Variants in FSHB observed in about 807,000 individuals in gnomAD.
FSHB encodes the protein follitropin subunit beta.
A neutral mutation model predicts 12.1 loss-of-function variants in FSHB; 8 were observed. That is an observed-to-expected ratio of 0.66 (90% CI 0.39 to 1.19). The LOEUF (loss-of-function observed/expected upper bound fraction) is 1.19, where lower values mean the gene tolerates loss of function less well. Among genes scored for constraint, FSHB ranks in the 50% most tolerant of loss-of-function variants. The pLI is 0.01. For missense variants in FSHB, 153 were observed against 157.2 expected, an observed-to-expected ratio of 0.97 and a Z score of 0.14; for synonymous variants, 55 against 54.6, an observed-to-expected ratio of 1.01 and a Z score of -0.04.
intron 2 of FSHB, among the ~76,000 whole-genome samples, chr11:30,232,610 A>G (rs1257386893): frequency 6.6e-6 from 1 of 151,672 alleles, no homozygotes; most frequent in East Asian, 1.9e-4. Flanking sequence ...CAGCAAACCC[A>G]CTCCCTTCGT....
In FSHB at chr11:30,235,177, A is replaced by G. The variant is rs1852066046; in HGVS notation, c.*1377A>G. The stretch of plus-strand genomic sequence containing the variant: ...ACCTTTCCTTATCTTTGGAGATATT[A>G]AAAATAATTTTGTTGGATTTCTGAA... On this transcript the variant is annotated 3_prime_UTR_variant, in exon 3 of 3. Transcript: ENST00000533718. 6.6e-6 allele frequency: 1 copy of G among 152,140 alleles called. No individual in the cohort carries two copies. The highest frequency in any genetic ancestry group is 6.6e-5 in the Admixed American group (1 of 15,252). 9.4% of individuals were successfully genotyped at this position (152,140 alleles called of 1,614,324 possible). A position where few individuals can be genotyped will look rare whatever the true frequency, so the allele number is the denominator to read the frequency against.
intron 1 of FSHB, 103 bp from the exon 2 acceptor site, chr11:30,231,763 G>A: frequency 1.1e-6 from 1 of 876,848 alleles, no homozygotes; most frequent in South Asian, 1.5e-5. Flanking sequence ...CATAAGGAAG[G>A]AAAAAAAACT....
intron 2 of FSHB, 70 bp downstream of exon 2, chr11:30,232,131 C>T (rs1590622417): frequency 6.7e-7 from 1 of 1,487,380 alleles, no homozygotes; most frequent in Non-Finnish European, 9.3e-7. Flanking sequence ...TTAGTTTCTA[C>T]TTTATCAATA....
In FSHB at chr11:30,233,570, G is replaced by T; in HGVS notation, c.160G>T (p.Asp54Tyr). 1.9e-6 allele frequency: 3 copies of T among 1,611,380 alleles called. No homozygotes were observed. In the South Asian group the frequency reaches 3.3e-5, roughly 18 times the overall value. Residue 54 changes from aspartate (D) to tyrosine (Y), a missense_variant and splice_region_variant, in exon 3 of 3, where the codon GAT becomes TAT. Physicochemically the swap from Asp to Tyr is radical, Grantham distance 160. Coordinates refer to ENST00000533718, the MANE Select transcript of FSHB (RefSeq NM_001382289.1). ...CTAACTCTCTTCTTAAACTCCTCAGGATCTGGTGTATAAGGACCCAGCCAG... is the reference window on the plus strand; with the variant it reads ...CTAACTCTCTTCTTAAACTCCTCAGTATCTGGTGTATAAGGACCCAGCCAG... Reference protein sequence around the residue: ...TWCAGYCYTRDLVYKDPARPK... With the variant: ...TWCAGYCYTRYLVYKDPARPK...
At chr11:30,233,157 G>T (rs1400693000) in intron 2 of FSHB, among the ~76,000 whole-genome samples, 1 of 151,972 alleles carries the variant, frequency 6.6e-6, no homozygotes, top group South Asian at 2.1e-4. Context: ...ATATATTTTT[G>T]ACCTTTTATA....
chr11:30,233,466 G>A, intron 2 of FSHB, 104 bp from the exon 3 acceptor site: 1 of 858,686 alleles, frequency 1.2e-6, no homozygotes, highest in Non-Finnish European at 2.0e-6. Context: ...TGTTTTAATG[G>A]GTAAATGTTA....
Position 30,233,619 on chromosome 11 carries a change from C to A in FSHB, c.209C>A (p.Thr70Asn). 2 of 1,614,022 alleles carry A rather than the reference C, an allele frequency of 1.2e-6. No individual in the cohort carries two copies. The highest frequency in any genetic ancestry group is 1.7e-6 in the Non-Finnish European group (2 of 1,179,950). The change falls in exon 3 of 3, where the codon ACC becomes AAC. Residue 70 changes from threonine (T) to asparagine (N), a missense_variant. Transcript: ENST00000533718. ...AGGCCCAAAATCCAGAAAACATGTACCTTCAAGGAACTGGTATACGAAACA... is the reference window on the plus strand; with the variant it reads ...AGGCCCAAAATCCAGAAAACATGTAACTTCAAGGAACTGGTATACGAAACA... ...PARPKIQKTC[T>N]FKELVYETVR...
In FSHB at chr11:30,235,010, A is replaced by AT. The variant is rs1474870663; in HGVS notation, c.*1217dup. On this transcript the variant is annotated 3_prime_UTR_variant, in exon 3 of 3. Coordinates refer to ENST00000533718, the MANE Select transcript of FSHB (RefSeq NM_001382289.1). ...TGTTTAACTAATTTATTTAAATCTTATTTTTTTAATAAAGATGCTAGCCAC... is the reference window on the plus strand; with the variant it reads ...TGTTTAACTAATTTATTTAAATCTTATTTTTTTTAATAAAGATGCTAGCCAC... The AT allele has an allele frequency of 6.6e-6, 1 of 152,070 alleles. No individual in the cohort carries two copies. Among genetic ancestry groups the AT allele is most frequent in the Non-Finnish European group, 1.5e-5 (1 of 67,996 alleles). 9.4% of individuals were successfully genotyped at this position (152,070 alleles called of 1,614,324 possible).
chr11:30,234,234 C>G lies in FSHB; in HGVS notation c.*434C>G, dbSNP rs1440344981. 1 of 234,230 alleles carries G rather than the reference C, an allele frequency of 4.3e-6. No individual in the cohort carries two copies. Among genetic ancestry groups the G allele is most frequent in the Admixed American group, 5.1e-5 (1 of 19,520 alleles). 14.5% of individuals were successfully genotyped at this position (234,230 alleles called of 1,614,324 possible). On this transcript the variant is annotated 3_prime_UTR_variant, in exon 3 of 3. Coordinates refer to ENST00000533718, the MANE Select transcript of FSHB (RefSeq NM_001382289.1). ...GTCAGCATCTTCAGCATTGTAGCGT[C>G]AATGCCTAGCACTCTGCCTGGAACT... is the stretch of plus-strand genomic sequence containing the variant.
rs1211300587 is a variant in FSHB, at chr11:30,234,779, C to T, written c.*979C>T. On this transcript the variant is annotated 3_prime_UTR_variant, in exon 3 of 3. Coordinates refer to ENST00000533718, the MANE Select transcript of FSHB (RefSeq NM_001382289.1). ...CAAATATATTTGTATAAATAAATAG[C>T]TCCTTTAGAAAGAATTAGCCATGGG... 1 of 152,142 alleles carries T rather than the reference C, an allele frequency of 6.6e-6. No individual in the cohort carries two copies. Among genetic ancestry groups the T allele is most frequent in the African/African-American group, 2.4e-5 (1 of 41,420 alleles). 9.4% of individuals were successfully genotyped at this position (152,142 alleles called of 1,614,324 possible).
At chr11:30,232,546 A>G (rs1338332798) in intron 2 of FSHB, among the ~76,000 whole-genome samples, 1 of 152,214 alleles carries the variant, frequency 6.6e-6, no homozygotes, top group East Asian at 1.9e-4. Context: ...CAAATGCCAA[A>G]AAACAGCCTG....
chr11:30,232,727 T>C (rs572825736), intron 2 of FSHB, among the ~76,000 whole-genome samples: 4 of 152,328 alleles, frequency 2.6e-5, no homozygotes, highest in African/African-American at 9.6e-5. Context: ...TGCTTTCTTT[T>C]TTCTCTGCAG....
In FSHB at chr11:30,234,812, G is replaced by T. The variant is rs574192474; in HGVS notation, c.*1012G>T. 1 of 152,236 alleles carries T rather than the reference G, an allele frequency of 6.6e-6. No homozygotes were observed. The highest frequency in any genetic ancestry group is 6.5e-5 in the Admixed American group (1 of 15,278). The allele number at this position is 152,236 out of a possible 1,614,324, so 9.4% of individuals were successfully genotyped here. ...GAAAGAATTAGCCATGGGGGACGAG[G>T]GGAAACTGCTGTTTTCTAGGATCCT... On this transcript the variant is annotated 3_prime_UTR_variant, in exon 3 of 3. Transcript: ENST00000533718.
At chr11:30,233,426 T>G in intron 2 of FSHB, 144 bp from the exon 3 acceptor site, 3 of 686,534 alleles carry the variant, frequency 4.4e-6, no homozygotes, top group Non-Finnish European at 7.9e-6. Context: ...TTTAGAAATG[T>G]AAATAGCATA....
intron 2 of FSHB, 133 bp downstream of exon 2, chr11:30,232,194 T>G (rs1031782091): frequency 1.1e-6 from 1 of 918,068 alleles, no homozygotes; most frequent in African/African-American, 1.6e-5. Context: ...ACTGTCTGTG[T>G]TGTGATTGGG....
Position 30,233,810 on chromosome 11 carries a change from G to C in FSHB, c.*10G>C. The C allele has an allele frequency of 3.7e-6, 6 of 1,606,446 alleles. No individual in the cohort carries two copies. The highest frequency in any genetic ancestry group is 5.1e-6 in the Non-Finnish European group (6 of 1,173,524). ...TGAAATGAAAGAATAAAGATCAGTGGACATTTCAGGCCACATACCCTTGTC... is the reference window on the plus strand; with the variant it reads ...TGAAATGAAAGAATAAAGATCAGTGCACATTTCAGGCCACATACCCTTGTC... On this transcript the variant is annotated 3_prime_UTR_variant, in exon 3 of 3. Transcript: ENST00000533718.
At chr11:30,233,511 C>A in intron 2 of FSHB, 59 bp from the exon 3 acceptor site, 1 of 1,365,370 alleles carries the variant, frequency 7.3e-7, no homozygotes, top group Non-Finnish European at 1.0e-6. Context: ...CTCATTTTGA[C>A]TAAGCTAAAT....
rs1490543920 is a variant in FSHB, at chr11:30,233,633, G to C, written c.223G>C (p.Val75Leu). Residue 75 changes from valine (V) to leucine (L), a missense_variant, in exon 3 of 3, where the codon GTA (valine) becomes CTA (leucine). Transcript: ENST00000533718. ...GAAAACATGTACCTTCAAGGAACTG[G>C]TATACGAAACAGTGAGAGTGCCCGG... ...IQKTCTFKEL[V>L]YETVRVPGCA... 5.6e-6 allele frequency: 9 copies of C among 1,614,022 alleles called. No individual in the cohort carries two copies. Among genetic ancestry groups the C allele is most frequent in the Non-Finnish European group, 7.6e-6 (9 of 1,179,940 alleles).
At chr11:30,232,787 A>T (rs1196497083) in intron 2 of FSHB, among the ~76,000 whole-genome samples, 2 of 152,220 alleles carry the variant, frequency 1.3e-5, no homozygotes, top group Admixed American at 1.3e-4. Flanking sequence ...AAAATTGAAA[A>T]TGGCAACTTT....
Sources: gnomAD v4.1 joint callset for allele counts (sites outside exome capture counted in the v4.1 genomes callset) on GRCh38, gnomAD v4.1.1 for gene constraint, MANE v1.5 for transcripts, NCBI Gene and HGNC (gene_info 2026-07-23, HGNC 2026-07-21) for gene names.